Variants in NPEPPS observed in about 807,000 individuals in gnomAD.
NPEPPS encodes the protein aminopeptidase puromycin sensitive.
NPEPPS carries 14 observed loss-of-function variants against 115.5 expected under a neutral mutation model. That is an observed-to-expected ratio of 0.12 (90% CI 0.08 to 0.19). NPEPPS has a LOEUF of 0.19. Ranked by LOEUF, NPEPPS falls within the 10% of genes least tolerant of loss-of-function variation. The pLI is 1.00. For missense variants in NPEPPS, 523 were observed against 1,110.8 expected (o/e 0.47, Z 7.52); for synonymous variants, 285 against 390.6 (o/e 0.73, Z 3.19).
At chr17:47,550,592 G>C (rs904510997) in intron 2 of NPEPPS, among the ~76,000 whole-genome samples, 29 of 145,340 alleles carry the variant, frequency 2.0e-4, no homozygotes, top group Admixed American at 4.2e-4. Context: ...TATAGTAACA[G>C]TTATACCAGA....
At chr17:47,536,697 C>T (rs1908314943) in intron 1 of NPEPPS, among the ~76,000 whole-genome samples, 1 of 134,602 alleles carries the variant, frequency 7.4e-6, no homozygotes, top group African/African-American at 2.7e-5. Flanking sequence ...GCCACCGTGC[C>T]TGGCTTCTTT....
chr17:47,599,638 G>A, intron 13 of NPEPPS, 38 bp from the exon 14 acceptor site: 1 of 1,520,312 alleles, frequency 6.6e-7, no homozygotes, highest in Non-Finnish European at 8.9e-7. Flanking sequence ...ACCCCAGATG[G>A]TGTCAGTACT....
chr17:47,594,464 G>T (rs1912718058), intron 12 of NPEPPS, among the ~76,000 whole-genome samples: 1 of 148,212 alleles, frequency 6.7e-6, no homozygotes. Context: ...AGGCTGGAGT[G>T]CAATGGTGCA....
intron 9 of NPEPPS, 126 bp from the exon 10 acceptor site, chr17:47,590,591 T>A (rs555827224): frequency 8.0e-7 from 1 of 1,254,100 alleles, no homozygotes; most frequent in East Asian, 2.6e-5. Context: ...CCAAATGTTT[T>A]GAACTGAATT....
intron 2 of NPEPPS, among the ~76,000 whole-genome samples, chr17:47,565,601 C>T (rs1232389940): frequency 6.6e-6 from 1 of 150,904 alleles, no homozygotes; most frequent in South Asian, 2.1e-4. Flanking sequence ...AGGAGGATCG[C>T]TTGAGCTCGG....
chr17:47,601,837 G>GA (rs1053486457), intron 15 of NPEPPS, 90 bp downstream of exon 15: 70,406 of 936,622 alleles, frequency 0.075, 1 homozygote, highest in East Asian at 0.095. Flanking sequence ...TAGTTTCAAA[G>GA]AAAAAAAAAA....
At position 47,572,078 on chromosome 17, in the gene NPEPPS, G is replaced by C. The variant is rs192320631; in HGVS notation, c.418+2584G>C. 1.1e-4 allele frequency among the ~76,000 whole-genome samples: 16 copies of C among 152,136 alleles called. No individual in the cohort carries two copies. In the East Asian group the frequency reaches 2.9e-3, roughly 28 times the overall value. ...TGTATCATGCATGGCAGAGGGCAGA[G>C]GCTCAGGGAAGGGGAGAAAGCTAGA... On this transcript the variant is annotated intron_variant, in intron 3 of 22. Coordinates refer to ENST00000322157, the MANE Select transcript of NPEPPS (RefSeq NM_006310.4).
chr17:47,529,919 T>G (rs1907609437), upstream of NPEPPS, among the ~76,000 whole-genome samples: 1 of 42,038 alleles, frequency 2.4e-5, no homozygotes, highest in Non-Finnish European at 5.8e-5. Context: ...AACATCCCAT[T>G]TTATTTATTT....
At chr17:47,597,215 A>G (rs887717136) in intron 13 of NPEPPS, among the ~76,000 whole-genome samples, 1 of 152,180 alleles carries the variant, frequency 6.6e-6, no homozygotes, top group Non-Finnish European at 1.5e-5. Context: ...GTTGGATGGC[A>G]GTGTGATTTT....
chr17:47,538,966 T>C (rs4497739), intron 1 of NPEPPS, among the ~76,000 whole-genome samples: 57,383 of 151,978 alleles, frequency 0.38, 11,651 homozygotes, highest in South Asian at 0.46. Context: ...GAAGCCTTAG[T>C]AGCCAGATAA....
At chr17:47,613,896 T>A (rs867135423) in intron 19 of NPEPPS, among the ~76,000 whole-genome samples, 171 bp downstream of exon 19, 2 of 136,548 alleles carry the variant, frequency 1.5e-5, no homozygotes, top group African/African-American at 6.1e-5. Context: ...ATATGTTATA[T>A]CAGTATTATC....
chr17:47,591,619 A>G (rs1912510353), intron 10 of NPEPPS: 1 of 182,872 alleles, frequency 5.5e-6, no homozygotes, highest in South Asian at 1.6e-4. Flanking sequence ...GTAATTCATT[A>G]CAATTAGTGC....
At chr17:47,588,302 C>T (rs1912309782) in intron 9 of NPEPPS, among the ~76,000 whole-genome samples, 1 of 152,016 alleles carries the variant, frequency 6.6e-6, no homozygotes, top group Non-Finnish European at 1.5e-5. Context: ...TGGCTCACGC[C>T]GGTAATCCCA....
At chr17:47,562,137 T>C (rs1395504974) in intron 2 of NPEPPS, among the ~76,000 whole-genome samples, 6 of 152,242 alleles carry the variant, frequency 3.9e-5, no homozygotes, top group Non-Finnish European at 8.8e-5. Context: ...AATAAACCAG[T>C]ACACGTGTTT....
At chr17:47,559,169 G>C (rs1192293298) in intron 2 of NPEPPS, among the ~76,000 whole-genome samples, 1 of 152,030 alleles carries the variant, frequency 6.6e-6, no homozygotes, top group Non-Finnish European at 1.5e-5. Context: ...TCAGCCTCCT[G>C]AGTAGCTGGA....
upstream of NPEPPS, among the ~76,000 whole-genome samples, chr17:47,529,706 G>T (rs1249800168): frequency 7.1e-5 from 6 of 84,802 alleles, no homozygotes; most frequent in African/African-American, 1.9e-4. Flanking sequence ...CCTGGCCCTG[G>T]CCCCCCTTTT....
intron 1 of NPEPPS, among the ~76,000 whole-genome samples, chr17:47,523,446 G>T (rs1214857665): frequency 6.6e-6 from 1 of 151,084 alleles, no homozygotes; most frequent in Non-Finnish European, 1.5e-5. Context: ...TTTGAGACGG[G>T]GTCTCGTTTT....
At chr17:47,621,656 T>C in intron 22 of NPEPPS, 112 bp from the exon 23 acceptor site, 5 of 1,039,344 alleles carry the variant, frequency 4.8e-6, no homozygotes, top group Non-Finnish European at 6.8e-6. Context: ...TAAATTCTCA[T>C]GCCTGAAGAT....
chr17:47,534,439 G>T (rs1298041840), intron 1 of NPEPPS, among the ~76,000 whole-genome samples: 1 of 152,190 alleles, frequency 6.6e-6, no homozygotes, highest in Non-Finnish European at 1.5e-5. Context: ...TTTCCTAACA[G>T]TTGGAATCAC....
Sources: allele counts gnomAD v4.1 joint callset (sites outside exome capture counted in the v4.1 genomes callset), GRCh38; gene constraint gnomAD v4.1.1; transcripts MANE v1.5; gene names NCBI Gene and HGNC (gene_info 2026-07-23, HGNC 2026-07-21).